The following COMMD1 variants were observed in gnomAD, a reference collection of about 807,000 sequenced individuals.
COMMD1 encodes COMM domain-containing protein 1.
COMMD1 carries 10 observed loss-of-function variants against 17.2 expected under a neutral mutation model. That is an observed-to-expected ratio of 0.58 (90% confidence interval 0.36 to 0.99). The LOEUF (loss-of-function observed/expected upper bound fraction) is 0.99. Ranked by LOEUF, COMMD1 falls within the 50% of genes least tolerant of loss-of-function variation. The pLI is 0.01. For synonymous variants in COMMD1, 97 were observed against 91.6 expected (o/e 1.06, Z -0.34); for missense variants, 270 against 231.8 (o/e 1.17, Z -1.07).
rs370980990 is a variant in COMMD1 at position 61,991,522 on chromosome 2, A to G, written c.181-9179A>G. Reference sequence around the variant, plus strand: ...CAAATAGACTTTTTGACATAATTTCATTTCATTGAGGTAAGTGCAGGGATA... The same window carrying G: ...CAAATAGACTTTTTGACATAATTTCGTTTCATTGAGGTAAGTGCAGGGATA... On this transcript the variant is annotated intron_variant, in intron 1 of 2. Coordinates refer to ENST00000311832, the MANE Select transcript of COMMD1 (RefSeq NM_152516.4). Among the ~76,000 whole-genome samples the G allele has an allele frequency of 2.0e-3, 303 of 152,292 alleles. 4 individuals are homozygous for G. The South Asian group carries it at 0.043, about 22-fold the overall frequency.
At chr2:62,102,672 T>C (rs1672219315) in intron 2 of COMMD1, among the ~76,000 whole-genome samples, 1 of 152,208 alleles carries the variant, frequency 6.6e-6, no homozygotes, top group Non-Finnish European at 1.5e-5. Context: ...AGGCAGGTCA[T>C]AGAAACCAGA....
chr2:62,114,216 C>A (rs1157792768), intron 2 of COMMD1, among the ~76,000 whole-genome samples: 1 of 152,136 alleles, frequency 6.6e-6, no homozygotes, highest in Non-Finnish European at 1.5e-5. Flanking sequence ...TACTTCTGTA[C>A]TTTGAAGAAT....
chr2:61,971,157 C>G (rs996083270), intron 1 of COMMD1, among the ~76,000 whole-genome samples: 1 of 152,206 alleles, frequency 6.6e-6, no homozygotes, highest in South Asian at 2.1e-4. Context: ...ATTGAACACT[C>G]GAACAAAGGA....
At chr2:61,908,227 C>CTT (rs939199316) in intron 1 of COMMD1, among the ~76,000 whole-genome samples, 30 of 135,236 alleles carry the variant, frequency 2.2e-4, no homozygotes, top group South Asian at 4.7e-4. Flanking sequence ...TTATTGAACT[C>CTT]TTTTTTTTTT....
intron 2 of COMMD1, among the ~76,000 whole-genome samples, chr2:62,098,875 T>C (rs1672094243): frequency 6.6e-6 from 1 of 152,224 alleles, no homozygotes; most frequent in Non-Finnish European, 1.5e-5. Context: ...CTGACACATG[T>C]CAGAGAACCC....
chr2:62,128,021 CAAA>C (rs56019037), intron 2 of COMMD1, among the ~76,000 whole-genome samples: 21 of 103,222 alleles, frequency 2.0e-4, no homozygotes, highest in Admixed American at 4.2e-4. Context: ...GACTCTATCT[CAAA>C]AAAAAAAAAA....
intron 1 of COMMD1, among the ~76,000 whole-genome samples, chr2:61,929,404 A>T (rs972335904): frequency 2.0e-5 from 3 of 152,172 alleles, no homozygotes; most frequent in Non-Finnish European, 4.4e-5. Flanking sequence ...CCCTTCTTAT[A>T]CCTAGAAGAA....
At chr2:61,898,525 A>G (rs1042591550) in intron 1 of COMMD1, among the ~76,000 whole-genome samples, 5 of 152,166 alleles carry the variant, frequency 3.3e-5, no homozygotes, top group Admixed American at 6.6e-5. Context: ...GTGAATGTTA[A>G]TAACAGCAGA....
At chr2:62,043,903 G>A (rs1420139960) in intron 2 of COMMD1, among the ~76,000 whole-genome samples, 1 of 152,128 alleles carries the variant, frequency 6.6e-6, no homozygotes, top group African/African-American at 2.4e-5. Flanking sequence ...CTGATGCTAT[G>A]TCAGTTTATA....
At chr2:61,952,427 A>G (rs1671082235) in intron 1 of COMMD1, among the ~76,000 whole-genome samples, 1 of 152,094 alleles carries the variant, frequency 6.6e-6, no homozygotes, top group Non-Finnish European at 1.5e-5. Context: ...TGTAGAACCT[A>G]AGATTGGTCT....
At chr2:62,119,489 C>T (rs1356630776) in intron 2 of COMMD1, among the ~76,000 whole-genome samples, 1 of 152,200 alleles carries the variant, frequency 6.6e-6, no homozygotes, top group Admixed American at 6.5e-5. Context: ...AAAACAAAAT[C>T]CAAAACTTTT....
chr2:62,086,737 G>C (rs980485908), intron 2 of COMMD1, among the ~76,000 whole-genome samples: 1 of 152,106 alleles, frequency 6.6e-6, no homozygotes, highest in Non-Finnish European at 1.5e-5. Flanking sequence ...ACTAGACAGT[G>C]AACCTAGGAT....
intron 2 of COMMD1, among the ~76,000 whole-genome samples, chr2:62,134,192 T>G (rs931656128): frequency 6.6e-6 from 1 of 152,180 alleles, no homozygotes; most frequent in African/African-American, 2.4e-5. Context: ...CTCAATTGCC[T>G]TCAGCACAAA....
At chr2:62,125,270 G>A (rs1277783674) in intron 2 of COMMD1, among the ~76,000 whole-genome samples, 1 of 152,208 alleles carries the variant, frequency 6.6e-6, no homozygotes, top group East Asian at 1.9e-4. Flanking sequence ...TCATTTATTA[G>A]AGTAAATTCT....
chr2:62,038,261 C>T (rs982034226), intron 2 of COMMD1, among the ~76,000 whole-genome samples: 56 of 152,246 alleles, frequency 3.7e-4, no homozygotes, highest in Non-Finnish European at 7.5e-4. Context: ...GCACTCCAGC[C>T]TGGGTGACGG....
intron 1 of COMMD1, among the ~76,000 whole-genome samples, chr2:61,967,990 A>G (rs906092591): frequency 3.9e-5 from 6 of 152,124 alleles, no homozygotes; most frequent in Admixed American, 1.3e-4. Flanking sequence ...ATGAAACCCT[A>G]TCTCTACTAA....
chr2:62,131,328 G>T (rs896226206), intron 2 of COMMD1, among the ~76,000 whole-genome samples: 1 of 152,152 alleles, frequency 6.6e-6, no homozygotes, highest in African/African-American at 2.4e-5. Context: ...TTACTGAAAA[G>T]AAGCTAGTTT....
At chr2:62,086,427 C>T (rs1438107071) in intron 2 of COMMD1, among the ~76,000 whole-genome samples, 1 of 151,184 alleles carries the variant, frequency 6.6e-6, no homozygotes, top group Non-Finnish European at 1.5e-5. Flanking sequence ...AGGAGAATCG[C>T]GTGAACCCGG....
intron 1 of COMMD1, among the ~76,000 whole-genome samples, chr2:61,952,782 G>A (rs184477524): frequency 4.4e-4 from 67 of 152,330 alleles, no homozygotes; most frequent in African/African-American, 1.5e-3. Context: ...CAGTGGGCAG[G>A]AAGGACCCAC....
Sources: gnomAD v4.1 joint callset for allele counts (sites outside exome capture counted in the v4.1 genomes callset) on GRCh38, gnomAD v4.1.1 for gene constraint, MANE v1.5 for transcripts, NCBI Gene and HGNC (gene_info 2026-07-23, HGNC 2026-07-21) for gene names.